Variants in PCSK2 observed in about 807,000 individuals in gnomAD.
PCSK2 encodes the protein proprotein convertase subtilisin/kexin type 2.
A neutral mutation model predicts 69.7 loss-of-function variants in PCSK2; 14 were observed. That is an observed-to-expected ratio of 0.20 (90% CI 0.13 to 0.31). The LOEUF (loss-of-function observed/expected upper bound fraction) is 0.31. Among genes scored for constraint, PCSK2 ranks in the 10% least tolerant of loss-of-function variants. The pLI is 1.00. For synonymous variants in PCSK2, 307 were observed against 320.7 expected (o/e 0.96, Z 0.46); for missense variants, 544 against 842.5 (o/e 0.65, Z 4.39).
At chr20:17,246,331 A>G (rs1268915986) in intron 1 of PCSK2, among the ~76,000 whole-genome samples, 1 of 152,204 alleles carries the variant, frequency 6.6e-6, no homozygotes. Context: ...TCCTTACTAT[A>G]AAGTGTGTAC....
chr20:17,411,055 G>C (rs1179574392), intron 6 of PCSK2, among the ~76,000 whole-genome samples: 1 of 152,066 alleles, frequency 6.6e-6, no homozygotes, highest in Admixed American at 6.6e-5. Context: ...ATCTACCCTA[G>C]TCAAATCTTC....
rs181642502 is a variant in PCSK2 at position 17,274,031 on chromosome 20, G to A, written c.282+13687G>A. 2.0e-3 allele frequency among the ~76,000 whole-genome samples: 309 copies of A among 152,252 alleles called. 2 individuals carry two copies. Among genetic ancestry groups the A allele is most frequent in the African/African-American group, 7.2e-3 (299 of 41,562 alleles). ...AAAATGAATGTCTTAATGAAAAGAA[G>A]CTAAGAAGTGTGGTTCTCCCATGTG... is the stretch of plus-strand genomic sequence containing the variant. On this transcript the variant is annotated intron_variant, in intron 2 of 11. Transcript: ENST00000262545.
intron 10 of PCSK2, 131 bp downstream of exon 10, chr20:17,456,579 C>T (rs539996780): frequency 6.3e-6 from 4 of 635,272 alleles, no homozygotes; most frequent in East Asian, 2.6e-5. Context: ...GGCCAATGAA[C>T]TCTGCTGTGC....
intron 2 of PCSK2, among the ~76,000 whole-genome samples, chr20:17,271,918 T>C (rs1987884802): frequency 6.6e-6 from 1 of 152,150 alleles, no homozygotes; most frequent in African/African-American, 2.4e-5. Context: ...TGAAACCTGA[T>C]AGAACACCTC....
intron 2 of PCSK2, among the ~76,000 whole-genome samples, chr20:17,342,739 TC>T (rs1207333278): frequency 1.3e-5 from 2 of 151,912 alleles, no homozygotes; most frequent in Non-Finnish European, 2.9e-5. Flanking sequence ...GCTCTAGTGA[TC>T]CCCACCTCAG....
chr20:17,466,421 A>G (rs2033102943), intron 11 of PCSK2, among the ~76,000 whole-genome samples: 3 of 152,132 alleles, frequency 2.0e-5, no homozygotes, highest in Admixed American at 2.0e-4. Context: ...CAATTCGTTT[A>G]TTCATTCTAC....
intron 9 of PCSK2, among the ~76,000 whole-genome samples, chr20:17,455,736 A>T (rs1241084026): frequency 6.6e-6 from 1 of 152,232 alleles, no homozygotes; most frequent in East Asian, 1.9e-4. Flanking sequence ...AGGTTTCAGG[A>T]AATAAATCTC....
chr20:17,411,331 C>G (rs1033526426), intron 6 of PCSK2, among the ~76,000 whole-genome samples: 2 of 152,234 alleles, frequency 1.3e-5, no homozygotes, highest in Non-Finnish European at 2.9e-5. Context: ...TGCCCAAATA[C>G]TGTGCTTTTC....
At chr20:17,248,351 A>C (rs1248042408) in intron 1 of PCSK2, among the ~76,000 whole-genome samples, 1 of 152,186 alleles carries the variant, frequency 6.6e-6, no homozygotes, top group African/African-American at 2.4e-5. Context: ...TTTGCAGTCT[A>C]CTTAAGAATC....
intron 4 of PCSK2, among the ~76,000 whole-genome samples, 175 bp downstream of exon 4, chr20:17,360,815 C>G (rs970261325): frequency 6.6e-6 from 1 of 152,174 alleles, no homozygotes; most frequent in Admixed American, 6.5e-5. Context: ...CAGTGGTCCT[C>G]AAACTTGAGG....
At position 17,295,457 on chromosome 20, in the gene PCSK2, T is replaced by G. The variant is rs1340067072; in HGVS notation, c.282+35113T>G. On this transcript the variant is annotated intron_variant, in intron 2 of 11. Coordinates refer to ENST00000262545, the MANE Select transcript of PCSK2 (RefSeq NM_002594.5). ...GCTACTTCTACAGATTTGTCCCTAA[T>G]TTTTCTATCTGCCTCATTTTTATTT... Among the ~76,000 whole-genome samples the G allele has an allele frequency of 2.6e-5, 4 of 151,286 alleles. No individual in the cohort carries two copies. The East Asian group carries it at 7.7e-4, about 29-fold the overall frequency.
At chr20:17,446,190 C>T (rs537050551) in intron 8 of PCSK2, among the ~76,000 whole-genome samples, 13 of 152,344 alleles carry the variant, frequency 8.5e-5, no homozygotes, top group African/African-American at 3.1e-4. Flanking sequence ...GACAGAATAA[C>T]ACAGGATTCT....
intron 1 of PCSK2, among the ~76,000 whole-genome samples, chr20:17,239,841 CTTTTTTTTTTTTT>C (rs869179656): frequency 1.9e-4 from 13 of 68,660 alleles, no homozygotes; most frequent in African/African-American, 6.7e-4. Flanking sequence ...GGTGAAAACA[CTTTTTTTTTTTTT>C]TTTTTTTTTT....
Position 17,360,764 on chromosome 20 carries a change from G to T in PCSK2, c.505+124G>T, listed in dbSNP as rs1021717395. 49 of 655,000 alleles carry T rather than the reference G, an allele frequency of 7.5e-5. No homozygotes were observed. The African/African-American group carries it at 8.6e-4, about 12-fold the overall frequency. 40.6% of individuals were successfully genotyped at this position (655,000 alleles called of 1,614,324 possible). On this transcript the variant is annotated intron_variant, in intron 4 of 11. Transcript: ENST00000262545. ...GAACAGCAAGATACTGGGCATGATG[G>T]CCACACTGCACTGTGCCCAGATCTT... is the stretch of plus-strand genomic sequence containing the variant.
intron 2 of PCSK2, among the ~76,000 whole-genome samples, chr20:17,298,636 C>T (rs559076227): frequency 2.3e-4 from 35 of 151,948 alleles, no homozygotes; most frequent in Admixed American, 1.3e-4. Flanking sequence ...ACTTTCATAT[C>T]CTCACTCTTA....
chr20:17,417,027 T>C (rs2032014683), intron 6 of PCSK2, among the ~76,000 whole-genome samples: 1 of 149,252 alleles, frequency 6.7e-6, no homozygotes, highest in Non-Finnish European at 1.5e-5. Flanking sequence ...TGTCAGGGGG[T>C]GTGGCAGACT....
intron 2 of PCSK2, among the ~76,000 whole-genome samples, chr20:17,317,690 A>G (rs12480782): frequency 1.2e-4 from 18 of 152,144 alleles, no homozygotes; most frequent in Non-Finnish European, 2.2e-4. Context: ...ATTGCCAGAC[A>G]GTTTTTGAAA....
At chr20:17,228,559 C>T (rs1389804720) in intron 1 of PCSK2, among the ~76,000 whole-genome samples, 1 of 152,100 alleles carries the variant, frequency 6.6e-6, no homozygotes, top group African/African-American at 2.4e-5. Context: ...GGTGGAGGTC[C>T]CTGAGATTTT....
chr20:17,392,917 C>T (rs186056243), intron 5 of PCSK2, among the ~76,000 whole-genome samples: 106 of 152,224 alleles, frequency 7.0e-4, no homozygotes, highest in African/African-American at 2.5e-3. Flanking sequence ...ATTTAGATGT[C>T]CTCTGTCTTG....
Sources: gnomAD v4.1 joint callset for allele counts (sites outside exome capture counted in the v4.1 genomes callset) on GRCh38, gnomAD v4.1.1 for gene constraint, MANE v1.5 for transcripts, NCBI Gene and HGNC (gene_info 2026-07-23, HGNC 2026-07-21) for gene names.